STMN1: variants seen among roughly 807,000 people sequenced by gnomAD.
The protein encoded by STMN1 is stathmin 1, also known as stathmin.
Under a neutral mutation model 19.7 loss-of-function variants are expected in STMN1, and 3 were observed. The observed-to-expected ratio is 0.15, with a 90% CI of 0.07 to 0.39. STMN1 has a LOEUF of 0.39. Among genes scored for constraint, STMN1 ranks in the 10% least tolerant of loss-of-function variants. The pLI is 1.00. For missense variants in STMN1, 99 were observed against 176.0 expected, an observed-to-expected ratio of 0.56 and a Z score of 2.48; for synonymous variants, 59 against 58.9, an observed-to-expected ratio of 1.00 and a Z score of -0.01.
At chr1:25,890,855 C>T (rs77227945) in intron 4 of STMN1, among the ~76,000 whole-genome samples, 1,579 of 152,120 alleles carry the variant, frequency 0.01, 26 homozygotes, top group African/African-American at 0.036. Context: ...CATATTGAGC[C>T]CCATGAATTC....
intron 4 of STMN1, chr1:25,892,572 G>T: frequency 1.0e-6 from 1 of 982,586 alleles, no homozygotes. Flanking sequence ...CCGCTGAGCC[G>T]CTGAGGGTCC....
At chr1:25,896,294 TTGC>T (rs2048817881), downstream of STMN1, among the ~76,000 whole-genome samples, 1 of 152,278 alleles carries the variant, frequency 6.6e-6, no homozygotes, top group Admixed American at 6.5e-5. Flanking sequence ...TAATTATTAG[TTGC>T]TGCTATTAAA....
downstream of STMN1, among the ~76,000 whole-genome samples, chr1:25,897,790 T>G (rs539000199): frequency 6.6e-6 from 1 of 152,320 alleles, no homozygotes; most frequent in African/African-American, 2.4e-5. Flanking sequence ...TTACTCTGCC[T>G]GTTCACTTCT....
intron 1 of STMN1, 145 bp from the exon 2 acceptor site, chr1:25,904,883 T>G: frequency 2.0e-6 from 1 of 498,712 alleles, no homozygotes; most frequent in South Asian, 4.2e-5. Context: ...AAAAAAATTA[T>G]CAAAATCTAC....
chr1:25,892,040 A>T (rs1245578674), intron 4 of STMN1, among the ~76,000 whole-genome samples: 1 of 152,238 alleles, frequency 6.6e-6, no homozygotes, highest in Non-Finnish European at 1.5e-5. Flanking sequence ...GACTCTAAAA[A>T]TCTCTGCCCA....
At position 25,894,137 on chromosome 1, in the gene STMN1, T is replaced by TC. The variant is rs112584781; in HGVS notation, c.378+7353dup. 1.6e-3 allele frequency among the ~76,000 whole-genome samples: 237 copies of TC among 152,366 alleles called. 1 individual carries two copies. The highest frequency in any genetic ancestry group is 5.4e-3 in the African/African-American group (224 of 41,586). ...TGGTAAATTAGGAAGTGGTGCCTGT[T>TC]CCTGGGAAGATGAGGGAATGTACTG... On this transcript the variant is annotated intron_variant, in intron 4 of 4. Coordinates refer to the STMN1 transcript ENST00000426559.
In STMN1 at chr1:25,900,979, GGAAGGGGATGGGGA is replaced by G; in HGVS notation, c.*23_*36del. On this transcript the variant is annotated 3_prime_UTR_variant, in exon 5 of 5. Transcript: ENST00000455785. Reference sequence around the variant, plus strand: ...GGCCAGTACAGTCTTTGGATATTTAGGAAGGGGATGGGGAGAAAGTCAGTTCTCAGAACAAATTA... The same window carrying G: ...GGCCAGTACAGTCTTTGGATATTTAGGAAAGTCAGTTCTCAGAACAAATTA... 1 of 1,611,934 alleles carries G rather than the reference GGAAGGGGATGGGGA, an allele frequency of 6.2e-7. No individual in the cohort carries two copies. Among genetic ancestry groups the G allele is most frequent in the Non-Finnish European group, 8.5e-7 (1 of 1,179,362 alleles).
chr1:25,892,749 GCT>G, intron 4 of STMN1: 1 of 269,940 alleles, frequency 3.7e-6, no homozygotes, highest in Non-Finnish European at 5.7e-6. Context: ...GCAGTGCCTG[GCT>G]GGCCTCCCTT....
At position 25,901,289 on chromosome 1, in the gene STMN1, C is replaced by T. The variant is rs1572302915; in HGVS notation, c.378+202G>A. 2.6e-6 allele frequency: 3 copies of T among 1,148,750 alleles called. No homozygotes were observed. In the African/African-American group the frequency reaches 4.7e-5, roughly 18 times the overall value. 71.2% of individuals were successfully genotyped at this position (1,148,750 alleles called of 1,614,324 possible). ...TCCCTTGTAGAACCTAACAAGCTGC[C>T]TACTGGACTTCCAAGGACTGTGCAA... On this transcript the variant is annotated intron_variant, in intron 4 of 4. Coordinates refer to ENST00000455785, the MANE Select transcript of STMN1 (RefSeq NM_005563.4).
intron 4 of STMN1, among the ~76,000 whole-genome samples, chr1:25,892,345 C>T (rs897463996): frequency 6.7e-6 from 1 of 149,704 alleles, no homozygotes. Flanking sequence ...GCCGAGATTG[C>T]GCCACTGCAT....
intron 4 of STMN1, 103 bp from the exon 5 acceptor site, chr1:25,901,190 C>A (rs1417927524): frequency 6.5e-7 from 1 of 1,538,916 alleles, no homozygotes; most frequent in East Asian, 2.3e-5. Context: ...CCCAACACAA[C>A]CTCAGTGCAT....
At chr1:25,890,572 G>A (rs1489615392) in intron 4 of STMN1, among the ~76,000 whole-genome samples, 1 of 152,250 alleles carries the variant, frequency 6.6e-6, no homozygotes, top group Non-Finnish European at 1.5e-5. Context: ...CCTACAGGTT[G>A]TGTTGGCTCC....
At chr1:25,892,431 A>T in intron 4 of STMN1, 6 of 340,960 alleles carry the variant, frequency 1.8e-5, no homozygotes, top group Non-Finnish European at 2.4e-5. Flanking sequence ...GCCTCTGCCT[A>T]GGAATTAAAA....
At chr1:25,896,578 C>G (rs529048271), downstream of STMN1, among the ~76,000 whole-genome samples, 10 of 152,338 alleles carry the variant, frequency 6.6e-5, no homozygotes, top group African/African-American at 2.4e-4. Context: ...TGGGCAGGTA[C>G]TGCTCTGCTC....
intron 4 of STMN1, among the ~76,000 whole-genome samples, chr1:25,894,607 G>A (rs555391240): frequency 6.6e-6 from 1 of 152,182 alleles, no homozygotes; most frequent in African/African-American, 2.4e-5. Context: ...TTGAGCCAAG[G>A]ATGTTGAGGC....
At chr1:25,890,624 C>T (rs1327282030) in intron 4 of STMN1, among the ~76,000 whole-genome samples, 8 of 152,232 alleles carry the variant, frequency 5.3e-5, no homozygotes, top group Non-Finnish European at 1.2e-4. Context: ...AAGCAAGCAG[C>T]CCCAGCTTCT....
downstream of STMN1, among the ~76,000 whole-genome samples, chr1:25,899,704 A>G (rs554902083): frequency 6.6e-6 from 1 of 152,236 alleles, no homozygotes; most frequent in South Asian, 2.1e-4. Context: ...TCTTGCCACA[A>G]ACCCATTTAA....
chr1:25,891,857 G>A (rs1490555293), intron 4 of STMN1, among the ~76,000 whole-genome samples: 1 of 152,146 alleles, frequency 6.6e-6, no homozygotes, highest in Admixed American at 6.5e-5. Context: ...GACCCATGAA[G>A]CTGGCAGGAG....
intron 4 of STMN1, among the ~76,000 whole-genome samples, chr1:25,894,055 G>C (rs2048798227): frequency 1.3e-5 from 2 of 152,198 alleles, no homozygotes; most frequent in South Asian, 4.1e-4. Flanking sequence ...GCCCCTATCT[G>C]TGTCCCACAG....
Sources: gnomAD v4.1 joint callset for allele counts (sites outside exome capture counted in the v4.1 genomes callset) on GRCh38, gnomAD v4.1.1 for gene constraint, MANE v1.5 for transcripts, NCBI Gene and HGNC (gene_info 2026-07-23, HGNC 2026-07-21) for gene names.